SGCD: variants seen among roughly 807,000 people sequenced by gnomAD.
SGCD encodes delta-sarcoglycan.
In SGCD, 18 loss-of-function variants were observed where a neutral mutation model predicts 36.6. The ratio of observed to expected loss-of-function variants is 0.49; its 90% CI spans 0.34 to 0.73. The LOEUF (loss-of-function observed/expected upper bound fraction) is 0.73. Among genes scored for constraint, SGCD ranks in the 30% least tolerant of loss-of-function variants. The probability of loss-of-function intolerance (pLI) is 0.01; values close to 1 mark genes in which losing one functional copy is unlikely to be tolerated. For missense variants in SGCD, 387 were observed against 346.7 expected, an observed-to-expected ratio of 1.12 and a Z score of -0.92; for synonymous variants, 133 against 130.6, an observed-to-expected ratio of 1.02 and a Z score of -0.12.
chr5:155,778,343 A>G, the SGCD span, among the ~76,000 whole-genome samples: 1 of 152,202 alleles, frequency 6.6e-6, no homozygotes, highest in Non-Finnish European at 1.5e-5. Context: ...TATTACACTT[A>G]AATTGTTTCC....
chr5:156,459,490 ATTG>A (rs1754394949), intron 3 of SGCD, among the ~76,000 whole-genome samples: 1 of 152,112 alleles, frequency 6.6e-6, no homozygotes, highest in South Asian at 2.1e-4. Context: ...TCTTGGAGGA[ATTG>A]TTTTGTTTTT....
At chr5:156,184,469 A>C (rs1041914138) in intron 3 of SGCD, among the ~76,000 whole-genome samples, 1 of 152,014 alleles carries the variant, frequency 6.6e-6, no homozygotes, top group Admixed American at 6.6e-5. Context: ...AATAATTTAA[A>C]TAAGATGCTA....
At chr5:156,552,587 T>C (rs1180229512) in intron 4 of SGCD, among the ~76,000 whole-genome samples, 1 of 152,172 alleles carries the variant, frequency 6.6e-6, no homozygotes, top group African/African-American at 2.4e-5. Flanking sequence ...TACCAATGGA[T>C]GTGGAGCCCC....
intron 4 of SGCD, among the ~76,000 whole-genome samples, chr5:156,545,161 C>T (rs917626678): frequency 2.0e-5 from 3 of 152,064 alleles, no homozygotes; most frequent in Non-Finnish European, 4.4e-5. Context: ...AAATTAGAAA[C>T]CTTGTAATAA....
chr5:156,021,700 G>A (rs1253536243), intron 1 of SGCD, among the ~76,000 whole-genome samples: 13 of 152,066 alleles, frequency 8.5e-5, no homozygotes, highest in African/African-American at 2.4e-4. Flanking sequence ...TAGCGGAAAC[G>A]GTGGGAGGGT....
At chr5:156,629,379 G>C (rs905781330) in intron 6 of SGCD, among the ~76,000 whole-genome samples, 1 of 152,188 alleles carries the variant, frequency 6.6e-6, no homozygotes, top group African/African-American at 2.4e-5. Context: ...TGCTTTGGAA[G>C]AATATTTTTA....
Position 156,606,804 on chromosome 5 carries a change from A to T in SGCD, c.502+11753A>T, listed in dbSNP as rs1398789692. The stretch of plus-strand genomic sequence containing the variant: ...ATTCCTAGGTATTTTATTCTCTTTG[A>T]AGCAATTGTGATTGGAAGTTCACTC... On this transcript the variant is annotated intron_variant, in intron 6 of 8. Transcript: ENST00000337851. 3.3e-5 allele frequency among the ~76,000 whole-genome samples: 5 copies of T among 152,234 alleles called. No individual in the cohort carries two copies. The East Asian group carries it at 7.7e-4, about 23-fold the overall frequency.
the SGCD span, among the ~76,000 whole-genome samples, chr5:155,840,243 CTTTT>C: frequency 7.0e-6 from 1 of 142,150 alleles, no homozygotes; most frequent in African/African-American, 2.6e-5. Context: ...TTTGTTTTGC[CTTTT>C]TTTTTTTTTC....
the SGCD span, among the ~76,000 whole-genome samples, chr5:155,799,812 C>CTTTTTTTTTT: frequency 6.8e-5 from 4 of 58,788 alleles, no homozygotes; most frequent in African/African-American, 1.4e-4. Context: ...TCCTATTCCC[C>CTTTTTTTTTT]TTTTTTTTTT....
At chr5:156,235,162 C>CA (rs1187076561) in intron 3 of SGCD, among the ~76,000 whole-genome samples, 1 of 152,148 alleles carries the variant, frequency 6.6e-6, no homozygotes, top group African/African-American at 2.4e-5. Context: ...AAGGAACCAT[C>CA]AATGGCAGAG....
intron 1 of SGCD, among the ~76,000 whole-genome samples, chr5:155,914,970 T>C (rs1414437202): frequency 6.6e-6 from 1 of 152,196 alleles, no homozygotes; most frequent in African/African-American, 2.4e-5. Context: ...TAATTGAAAG[T>C]TGCATAAAAT....
intron 3 of SGCD, among the ~76,000 whole-genome samples, chr5:156,192,185 G>A (rs1044075434): frequency 6.6e-6 from 1 of 152,172 alleles, no homozygotes; most frequent in Non-Finnish European, 1.5e-5. Context: ...TCTTATGATA[G>A]TGATGCATTT....
chr5:155,973,703 A>G (rs906495383), intron 1 of SGCD, among the ~76,000 whole-genome samples: 3 of 152,206 alleles, frequency 2.0e-5, no homozygotes, highest in Admixed American at 6.5e-5. Flanking sequence ...TTGAAATCCT[A>G]CACACCTGGC....
chr5:155,846,025 G>A, the SGCD span, among the ~76,000 whole-genome samples: 2 of 152,094 alleles, frequency 1.3e-5, no homozygotes, highest in Non-Finnish European at 2.9e-5. Flanking sequence ...TTCATGATTG[G>A]CAAAGCAATG....
chr5:155,808,099 G>A, the SGCD span, among the ~76,000 whole-genome samples: 2 of 152,142 alleles, frequency 1.3e-5, no homozygotes, highest in Non-Finnish European at 2.9e-5. Context: ...TGAGGGTTCT[G>A]CCCTGCCCTT....
Position 156,458,883 on chromosome 5 carries a change from A to C in SGCD, c.193-49718A>C, listed in dbSNP as rs189667930. Among the ~76,000 whole-genome samples, 328 of 152,288 alleles carry C rather than the reference A, an allele frequency of 2.2e-3. 2 individuals are homozygous for C. Among genetic ancestry groups the C allele is most frequent in the African/African-American group, 7.7e-3 (318 of 41,560 alleles). On this transcript the variant is annotated intron_variant, in intron 3 of 8. Coordinates refer to ENST00000337851, the MANE Select transcript of SGCD (RefSeq NM_000337.6). ...ATTTTAATTTCTTCTTTTCCCTCAA[A>C]ACTTGAAACTCTTTGAAAGATGCCA... is the stretch of plus-strand genomic sequence containing the variant.
At position 156,125,913 on chromosome 5, in the gene SGCD, T is replaced by G. The variant is rs534512167; in HGVS notation, c.-44+1894T>G. 1.7e-3 allele frequency among the ~76,000 whole-genome samples: 251 copies of G among 150,070 alleles called. 1 individual carries two copies. The highest frequency in any genetic ancestry group is 5.7e-3 in the African/African-American group (234 of 41,034). On this transcript the variant is annotated intron_variant, in intron 3 of 9. Transcript: ENST00000517913. ...TTATTTTGGAGATGGAGTCTCACTT[T>G]GTTGCCCAGGCTGGAGTACAATGGC...
At chr5:156,094,586 T>G (rs1194754813) in intron 1 of SGCD, among the ~76,000 whole-genome samples, 1 of 152,206 alleles carries the variant, frequency 6.6e-6, no homozygotes, top group Non-Finnish European at 1.5e-5. Flanking sequence ...ATCTTCATGG[T>G]ATAGAGTCCA....
At chr5:156,422,977 A>T (rs2127779375) in intron 3 of SGCD, among the ~76,000 whole-genome samples, 1 of 151,340 alleles carries the variant, frequency 6.6e-6, no homozygotes, top group African/African-American at 2.4e-5. Flanking sequence ...GAAATCGGCA[A>T]GTTGTGAATG....
Sources: gnomAD v4.1 joint callset for allele counts (sites outside exome capture counted in the v4.1 genomes callset) on GRCh38, gnomAD v4.1.1 for gene constraint, MANE v1.5 for transcripts, NCBI Gene and HGNC (gene_info 2026-07-23, HGNC 2026-07-21) for gene names.